Variants in NFIC observed in about 807,000 individuals in gnomAD.
The protein encoded by NFIC is nuclear factor I C.
In NFIC, 12 loss-of-function variants were observed where a neutral mutation model predicts 54.4. The ratio of observed to expected loss-of-function variants is 0.22; its 90% CI spans 0.14 to 0.36. The LOEUF (loss-of-function observed/expected upper bound fraction) is 0.36. Among genes scored for constraint, NFIC ranks in the 10% least tolerant of loss-of-function variants. The probability of loss-of-function intolerance (pLI) is 1.00; values close to 1 mark genes in which losing one functional copy is unlikely to be tolerated. For missense variants in NFIC, 575 were observed against 718.2 expected, an observed-to-expected ratio of 0.80 and a Z score of 2.28; for synonymous variants, 322 against 319.2, an observed-to-expected ratio of 1.01 and a Z score of -0.09.
rs1275562810 is a variant in NFIC at position 3,466,594 on chromosome 19, G to GTAAT, written c.*3826_*3829dup. On this transcript the variant is annotated 3_prime_UTR_variant, in exon 11 of 11. Coordinates refer to ENST00000443272, the MANE Select transcript of NFIC (RefSeq NM_001245002.2). The surrounding 1 kb of genome is among the most constrained non-coding windows in gnomAD (Gnocchi z 4.8). The stretch of plus-strand genomic sequence containing the variant: ...CAGCTGGCCACGACATTGCCCTTAA[G>GTAAT]TAATATGCATTGGCCAGAGAGCCCG... 2 of 151,890 alleles carry GTAAT rather than the reference G, an allele frequency of 1.3e-5. No homozygotes were observed. The highest frequency in any genetic ancestry group is 3.9e-4 in the East Asian group (2 of 5,190). The allele number at this position is 151,890 out of a possible 1,614,324, so 9.4% of individuals were successfully genotyped here. A position where few individuals can be genotyped will look rare whatever the true frequency, so the allele number is the denominator to read the frequency against.
chr19:3,454,753 C>G (rs1568198758), intron 9 of NFIC, among the ~76,000 whole-genome samples: 2 of 151,012 alleles, frequency 1.3e-5, no homozygotes, highest in African/African-American at 4.9e-5. Flanking sequence ...GTCCCTCACT[C>G]TCCAAATGAG....
chr19:3,438,137 G>A (rs2082234160), intron 6 of NFIC, among the ~76,000 whole-genome samples: 1 of 152,130 alleles, frequency 6.6e-6, no homozygotes, highest in South Asian at 2.1e-4. Context: ...ATTAGGAGAG[G>A]AGAAAGGTGG....
Position 3,463,205 on chromosome 19 carries a change from G to A in NFIC, c.*436G>A. The A allele has an allele frequency of 9.8e-7, 1 of 1,022,906 alleles. No individual in the cohort carries two copies. Among genetic ancestry groups the A allele is most frequent in the Non-Finnish European group, 1.2e-6 (1 of 854,818 alleles). The allele number at this position is 1,022,906 out of a possible 1,614,324, so 63.4% of individuals were successfully genotyped here. On this transcript the variant is annotated 3_prime_UTR_variant, in exon 11 of 11. Transcript: ENST00000443272. ...CCCTGGCTCTGTCCGGAGACCAGGT[G>A]AGCACAGCCTGGAGCCTGTGCCCAG... is the stretch of plus-strand genomic sequence containing the variant.
intron 2 of NFIC, among the ~76,000 whole-genome samples, chr19:3,404,117 C>A (rs928730029): frequency 6.6e-6 from 1 of 151,794 alleles, no homozygotes; most frequent in Non-Finnish European, 1.5e-5. Context: ...TCCCAGGGCT[C>A]CCCCCGAGGC....
At chr19:3,435,931 A>G (rs925563230) in intron 6 of NFIC, among the ~76,000 whole-genome samples, 6 of 151,734 alleles carry the variant, frequency 4.0e-5, no homozygotes, top group Admixed American at 1.3e-4. Context: ...GGTTCAAGCA[A>G]TTGTCCTACC....
chr19:3,382,123 G>A lies in NFIC; in HGVS notation c.442G>A (p.Gly148Ser). The change falls in exon 2 of 11, where the codon GGC (glycine) becomes AGC (serine). Residue 148 changes from glycine to serine, a missense_variant. Around this residue, in one of 3 missense-constraint regions of NFIC, gnomAD observed 447 missense variants for 526.9 expected, o/e 0.85. Coordinates refer to ENST00000443272, the MANE Select transcript of NFIC (RefSeq NM_001245002.2). ...GGGCATCCCGCTGGAGAGCACCGAC[G>A]GCGAGCGCCTGGTCAAGGCTGCGCA... ...FKGIPLESTDGERLVKAAQCG... is the reference protein window; with the variant it reads ...FKGIPLESTDSERLVKAAQCG... 4 of 1,613,320 alleles carry A rather than the reference G, an allele frequency of 2.5e-6. No homozygotes were observed. Among genetic ancestry groups the A allele is most frequent in the Non-Finnish European group, 2.5e-6 (3 of 1,179,952 alleles).
At chr19:3,392,606 C>T (rs1045747816) in intron 2 of NFIC, among the ~76,000 whole-genome samples, 5 of 152,222 alleles carry the variant, frequency 3.3e-5, no homozygotes, top group African/African-American at 1.2e-4. Context: ...GGGGAGGCGC[C>T]TTGTTGCACC....
intron 3 of NFIC, 87 bp from the exon 4 acceptor site, chr19:3,433,431 G>GC (rs1230997729): frequency 1.4e-6 from 2 of 1,423,044 alleles, no homozygotes; most frequent in Non-Finnish European, 2.0e-6. Flanking sequence ...GCTCGGGCCA[G>GC]CCCCCAGGAG....
Position 3,417,701 on chromosome 19 carries a change from C to T in NFIC, c.563-7405C>T, listed in dbSNP as rs566561318. ...AGTGCAGTGGCGCAATCTCGGCTCA[C>T]TGCAACCTCTGCCTCCCGGGTTCAC... On this transcript the variant is annotated intron_variant, in intron 2 of 10. Transcript: ENST00000443272. Among the ~76,000 whole-genome samples, 556 of 149,456 alleles carry T rather than the reference C, an allele frequency of 3.7e-3. 3 individuals carry two copies. The highest frequency in any genetic ancestry group is 0.013 in the African/African-American group (532 of 40,458).
chr19:3,420,484 G>C (rs1023459340), intron 2 of NFIC, among the ~76,000 whole-genome samples: 3 of 151,804 alleles, frequency 2.0e-5, no homozygotes, highest in African/African-American at 7.3e-5. Context: ...GGCGGAGATT[G>C]CAATGAGCTG....
At chr19:3,368,727 G>T (rs2080941958) in intron 1 of NFIC, among the ~76,000 whole-genome samples, 1 of 152,172 alleles carries the variant, frequency 6.6e-6, no homozygotes, top group Non-Finnish European at 1.5e-5. Context: ...CCAAGGCCCA[G>T]CCTGGTCTGG....
At chr19:3,408,092 G>T (rs1346233610) in intron 2 of NFIC, among the ~76,000 whole-genome samples, 1 of 152,116 alleles carries the variant, frequency 6.6e-6, no homozygotes, top group Non-Finnish European at 1.5e-5. Context: ...GCAGCCGGCA[G>T]AGCCAGCAAC....
intron 2 of NFIC, among the ~76,000 whole-genome samples, chr19:3,391,262 C>A (rs903681042): frequency 2.6e-5 from 4 of 151,634 alleles, no homozygotes; most frequent in Admixed American, 2.6e-4. Context: ...ACCAGAACCA[C>A]CCCCACCAAA....
chr19:3,463,635 A>AC lies in NFIC; in HGVS notation c.*871dup, dbSNP rs1409736395. The AC allele has an allele frequency of 2.7e-5, 2 of 75,006 alleles. No homozygotes were observed. The highest frequency in any genetic ancestry group is 6.2e-4 in the Admixed American group (2 of 3,202). The allele number at this position is 75,006 out of a possible 1,614,324, so 4.6% of individuals were successfully genotyped here. ...ATTGGCCCCGGCCCCTCCACCCCCC[A>AC]CCCCCGGCATAGGAGGCCCCCCCAC... On this transcript the variant is annotated 3_prime_UTR_variant, in exon 11 of 11. Transcript: ENST00000443272.
intron 2 of NFIC, among the ~76,000 whole-genome samples, chr19:3,403,157 T>C (rs2081583365): frequency 6.6e-6 from 1 of 152,136 alleles, no homozygotes; most frequent in Non-Finnish European, 1.5e-5. Context: ...GTGCCAGCTG[T>C]GTAAAAGCAT....
At position 3,465,931 on chromosome 19, in the gene NFIC, C is replaced by T. The variant is rs1420296011; in HGVS notation, c.*3162C>T. 1 of 152,348 alleles carries T rather than the reference C, an allele frequency of 6.6e-6. No homozygotes were observed. The highest frequency in any genetic ancestry group is 1.5e-5 in the Non-Finnish European group (1 of 68,132). 9.4% of individuals were successfully genotyped at this position (152,348 alleles called of 1,614,324 possible). A position where few individuals can be genotyped will look rare whatever the true frequency, so the allele number is the denominator to read the frequency against. ...TTCTTGCCAAAGGACCTCTTTTCCCCTATCCAGAGACCACCCCAGGTGGCA... is the reference window on the plus strand; with the variant it reads ...TTCTTGCCAAAGGACCTCTTTTCCCTTATCCAGAGACCACCCCAGGTGGCA... On this transcript the variant is annotated 3_prime_UTR_variant, in exon 11 of 11. Coordinates refer to ENST00000443272, the MANE Select transcript of NFIC (RefSeq NM_001245002.2).
chr19:3,419,047 T>A (rs886090120), intron 2 of NFIC, among the ~76,000 whole-genome samples: 4 of 151,860 alleles, frequency 2.6e-5, no homozygotes, highest in Admixed American at 6.6e-5. Context: ...AGAAAGTAGG[T>A]TGGCGGGGTC....
intron 2 of NFIC, among the ~76,000 whole-genome samples, chr19:3,413,528 C>T (rs1243940517): frequency 6.6e-6 from 1 of 151,876 alleles, no homozygotes; most frequent in Admixed American, 6.6e-5. Flanking sequence ...GATTACCGTC[C>T]CCCATATGGG....
At chr19:3,380,211 A>C (rs537913480) in intron 1 of NFIC, among the ~76,000 whole-genome samples, 1 of 142,014 alleles carries the variant, frequency 7.0e-6, no homozygotes, top group Non-Finnish European at 1.5e-5. Context: ...TCACTGTGTT[A>C]GCCAGGATGG....
Sources: gnomAD v4.1 joint callset for allele counts (sites outside exome capture counted in the v4.1 genomes callset) on GRCh38, gnomAD v4.1.1 for gene constraint, gnomAD v4.1.1 regional missense constraint, Gnocchi (gnomAD v3.1) non-coding constraint, MANE v1.5 for transcripts, NCBI Gene and HGNC (gene_info 2026-07-23, HGNC 2026-07-21) for gene names.